The following PI4KA variants were observed in gnomAD, a reference collection of about 807,000 sequenced individuals.
PI4KA encodes PI4-kinase alpha.
PI4KA carries 122 observed loss-of-function variants against 271.4 expected under a neutral mutation model. The ratio of observed to expected loss-of-function variants is 0.45; its 90% CI spans 0.39 to 0.52. The LOEUF is 0.52. Among genes scored for constraint, PI4KA ranks in the 20% least tolerant of loss-of-function variants. The pLI is 0.00. For missense variants in PI4KA, 1,969 were observed against 2,769.1 expected (o/e 0.71, Z 6.48); for synonymous variants, 1,041 against 1,078.8 (o/e 0.96, Z 0.69).
chr22:20,761,295 T>C lies in PI4KA; in HGVS notation c.2791+9A>G, dbSNP rs776790935. ...ATTCATCATGAAAGCACCATAATAA[T>C]GAGCTTACCAGATTTGTCTTTCTGA... On this transcript the variant is annotated intron_variant, in intron 23 of 54. Transcript: ENST00000255882. The C allele has an allele frequency of 3.3e-6, 5 of 1,533,858 alleles. No individual in the cohort carries two copies. The Admixed American group carries it at 6.7e-5, about 20-fold the overall frequency.
intron 42 of PI4KA, among the ~76,000 whole-genome samples, chr22:20,724,497 A>G (rs1173074953): frequency 1.4e-5 from 2 of 146,556 alleles, no homozygotes; most frequent in Admixed American, 1.4e-4. Flanking sequence ...AATCCCAGCT[A>G]CTTGGGAGGC....
intron 23 of PI4KA, among the ~76,000 whole-genome samples, chr22:20,758,764 C>T (rs1157652321): frequency 1.3e-5 from 2 of 152,138 alleles, no homozygotes; most frequent in Non-Finnish European, 2.9e-5. Flanking sequence ...CCTGTGTCTA[C>T]ATCCCCTCTG....
At chr22:20,738,354 G>C (rs560865794) in intron 32 of PI4KA, among the ~76,000 whole-genome samples, 2 of 152,216 alleles carry the variant, frequency 1.3e-5, no homozygotes, top group Non-Finnish European at 2.9e-5. Flanking sequence ...AGCAGGACCA[G>C]AGCAAGTTAT....
chr22:20,747,006 T>C (rs1310784647), intron 29 of PI4KA, among the ~76,000 whole-genome samples: 2 of 152,154 alleles, frequency 1.3e-5, no homozygotes, highest in East Asian at 3.9e-4. Context: ...GGCTCTAGAT[T>C]CACATTAACC....
Position 20,813,491 on chromosome 22 carries a change from T to A in PI4KA, c.872A>T (p.Asp291Val), listed in dbSNP as rs373463152. The A allele has an allele frequency of 3.1e-6, 5 of 1,613,766 alleles. No individual in the cohort carries two copies. The highest frequency in any genetic ancestry group is 3.4e-6 in the Non-Finnish European group (4 of 1,179,928). ...FHYFEASCLP[D>V]GTALEPEYYF... ...GTACTCAGGCTCTAGGGCAGTCCCA[T>A]CGGGCAAGCAGGAGGCTGGTGGGAG... Residue 291 changes from aspartate (D) to valine (V), a missense_variant, in exon 8 of 55, where the codon GAT (aspartate) becomes GTT (valine). Around this residue, in one of 13 missense-constraint regions of PI4KA, gnomAD observed 540 missense variants for 555.5 expected, o/e 0.97. Transcript: ENST00000255882.
intron 19 of PI4KA, among the ~76,000 whole-genome samples, chr22:20,769,513 C>T (rs564412595): frequency 5.3e-5 from 8 of 151,760 alleles, no homozygotes; most frequent in Non-Finnish European, 1.0e-4. Context: ...ACTAAAAATA[C>T]AAAAAATTAG....
chr22:20,845,038 T>C lies in PI4KA; in HGVS notation c.157-6307A>G, dbSNP rs190891755. On this transcript the variant is annotated intron_variant, in intron 1 of 54. Coordinates refer to ENST00000255882, the MANE Select transcript of PI4KA (RefSeq NM_058004.4). ...AATCTGACCACGATGGCCAGGGTTA[T>C]TCCCATTTACAAAAAGGATCCAGAG... 1.7e-3 allele frequency among the ~76,000 whole-genome samples: 258 copies of C among 152,312 alleles called. 2 individuals carry two copies. Among genetic ancestry groups the C allele is most frequent in the African/African-American group, 6.0e-3 (249 of 41,556 alleles).
chr22:20,721,479 C>G, intron 42 of PI4KA, 61 bp from the exon 43 acceptor site: 1 of 1,590,868 alleles, frequency 6.3e-7, no homozygotes, highest in Non-Finnish European at 8.6e-7. Context: ...AGGGCCTTGT[C>G]AGCAGCTGCT....
At chr22:20,745,155 T>A (rs895970978) in intron 29 of PI4KA, among the ~76,000 whole-genome samples, 1 of 152,096 alleles carries the variant, frequency 6.6e-6, no homozygotes, top group Non-Finnish European at 1.5e-5. Flanking sequence ...TGCTCTTCAG[T>A]CTAATGGGAA....
At chr22:20,838,381 A>C (rs1030937724) in intron 2 of PI4KA, among the ~76,000 whole-genome samples, 1 of 152,088 alleles carries the variant, frequency 6.6e-6, no homozygotes, top group African/African-American at 2.4e-5. Context: ...ACAAAAATAC[A>C]CTTTTTTTAC....
At chr22:20,746,578 C>T (rs1338018195) in intron 29 of PI4KA, among the ~76,000 whole-genome samples, 2 of 152,212 alleles carry the variant, frequency 1.3e-5, no homozygotes, top group African/African-American at 4.8e-5. Flanking sequence ...AGGCTTATGA[C>T]TATCATAAAC....
chr22:20,714,398 A>T, intron 47 of PI4KA, 60 bp downstream of exon 47: 1 of 1,521,998 alleles, frequency 6.6e-7, no homozygotes, highest in Non-Finnish European at 8.8e-7. Context: ...TGCCAGAAGA[A>T]ACTGGCATTA....
At chr22:20,841,269 A>G (rs1261495157) in intron 1 of PI4KA, among the ~76,000 whole-genome samples, 2 of 152,156 alleles carry the variant, frequency 1.3e-5, no homozygotes, top group Admixed American at 1.3e-4. Flanking sequence ...ATATCCCAGG[A>G]TCAGAATTCA....
rs1366700793 is a variant in PI4KA at position 20,785,763 on chromosome 22, G to A, written c.2328+7430C>T. Among the ~76,000 whole-genome samples the A allele has an allele frequency of 3.3e-5, 5 of 152,108 alleles. No individual in the cohort carries two copies. The East Asian group carries it at 5.8e-4, about 18-fold the overall frequency. On this transcript the variant is annotated intron_variant, in intron 19 of 54. Transcript: ENST00000255882. ...GCTGCTAACCTTGAAGATAGGAAACGAACCATACAGTCTCAAGGAAATAAT... is the reference window on the plus strand; with the variant it reads ...GCTGCTAACCTTGAAGATAGGAAACAAACCATACAGTCTCAAGGAAATAAT...
Position 20,727,374 on chromosome 22 carries a change from G to A in PI4KA, c.4797C>T (p.Ile1599=), listed in dbSNP as rs758955649. The A allele has an allele frequency of 5.0e-6, 8 of 1,607,302 alleles. No individual in the cohort carries two copies. Among genetic ancestry groups the A allele is most frequent in the Admixed American group, 1.7e-5 (1 of 58,144 alleles). Reference sequence around the variant, plus strand: ...GGCTGAGCTCTGGAGCATCGGCGTCGATGGTGTGCCAGGTGACCAGGAACT... The same window carrying A: ...GGCTGAGCTCTGGAGCATCGGCGTCAATGGTGTGCCAGGTGACCAGGAACT... ...AIKFLVTWHT[I]DADAPELSHV... Residue 1599 remains isoleucine (I), a synonymous_variant, in exon 41 of 55, where the codon ATC becomes ATT. Transcript: ENST00000255882.
At chr22:20,825,317 G>GGGTGCAGT (rs1923265504) in intron 3 of PI4KA, among the ~76,000 whole-genome samples, 3 of 152,084 alleles carry the variant, frequency 2.0e-5, no homozygotes, top group Admixed American at 1.3e-4. Flanking sequence ...AGGACAGACT[G>GGGTGCAGT]GGTGCAGTGG....
In PI4KA at chr22:20,765,109, C is replaced by G. The variant is rs763705980; in HGVS notation, c.2565G>C (p.Thr855=). 6.2e-7 allele frequency: 1 copy of G among 1,612,470 alleles called. No individual in the cohort carries two copies. Among genetic ancestry groups the G allele is most frequent in the African/African-American group, 1.3e-5 (1 of 74,984 alleles). The part of the protein sequence containing the change: ...LQYNSAMKND[T]VTPAELSELR... ...AGATGTGAATCCTTACGGGGGTGACCGTGTCATTCTTCATGGCTGAGTTAT... is the reference window on the plus strand; with the variant it reads ...AGATGTGAATCCTTACGGGGGTGACGGTGTCATTCTTCATGGCTGAGTTAT... The change falls in exon 21 of 55, where the codon ACG becomes ACC. Residue 855 remains threonine (T), a synonymous_variant. Coordinates refer to ENST00000255882, the MANE Select transcript of PI4KA (RefSeq NM_058004.4).
intron 19 of PI4KA, among the ~76,000 whole-genome samples, chr22:20,770,513 C>CA (rs1178691364): frequency 0.067 from 888 of 13,184 alleles, 104 homozygotes; most frequent in Middle Eastern, 0.19. Flanking sequence ...AACTCCGTCT[C>CA]AAAAAAAAAA....
At chr22:20,751,590 T>C (rs1044452358) in intron 26 of PI4KA, 84 bp downstream of exon 26, 1 of 1,208,132 alleles carries the variant, frequency 8.3e-7, no homozygotes, top group East Asian at 2.3e-5. Context: ...CAGAGAAGCA[T>C]GCCACAACAC....
Sources: allele counts gnomAD v4.1 joint callset (sites outside exome capture counted in the v4.1 genomes callset), GRCh38; gene constraint gnomAD v4.1.1; regional missense constraint gnomAD v4.1.1; transcripts MANE v1.5; gene names NCBI Gene and HGNC (gene_info 2026-07-23, HGNC 2026-07-21).